The following MUSK variants were observed in gnomAD, a reference collection of about 807,000 sequenced individuals.
The protein encoded by MUSK is muscle, skeletal receptor tyrosine-protein kinase.
Under a neutral mutation model 88.7 loss-of-function variants are expected in MUSK, and 55 were observed. That is an observed-to-expected ratio of 0.62 (90% CI 0.50 to 0.78). The LOEUF (loss-of-function observed/expected upper bound fraction) is 0.78, where lower values mean the gene tolerates loss of function less well. Among genes scored for constraint, MUSK ranks in the 30% least tolerant of loss-of-function variants. MUSK has a pLI of 0.00. For missense variants in MUSK, 1,015 were observed against 1,074.3 expected (o/e 0.94, Z 0.77); for synonymous variants, 387 against 391.9 (o/e 0.99, Z 0.15).
At chr9:110,686,647 T>C (rs2076199546) in intron 2 of MUSK, among the ~76,000 whole-genome samples, 1 of 152,164 alleles carries the variant, frequency 6.6e-6, no homozygotes, top group African/African-American at 2.4e-5. Flanking sequence ...CTGGCACTTG[T>C]TAGCAATCAG....
intron 3 of MUSK, among the ~76,000 whole-genome samples, chr9:110,691,928 C>A (rs2076361636): frequency 6.6e-6 from 1 of 152,012 alleles, no homozygotes; most frequent in Admixed American, 6.6e-5. Context: ...GTTTTAAAAT[C>A]CCTTTTCTTT....
At chr9:110,746,458 T>C (rs1447553151) in intron 6 of MUSK, among the ~76,000 whole-genome samples, 1 of 152,232 alleles carries the variant, frequency 6.6e-6, no homozygotes, top group Non-Finnish European at 1.5e-5. Context: ...CACTGTAACA[T>C]AATGATTAAA....
intron 5 of MUSK, among the ~76,000 whole-genome samples, chr9:110,703,583 T>A (rs117076303): frequency 0.12 from 18,967 of 151,752 alleles, 1,528 homozygotes; most frequent in East Asian, 0.2. Context: ...TTTTGATAAA[T>A]AATTAAACAC....
At chr9:110,721,902 C>A (rs927723964) in intron 5 of MUSK, among the ~76,000 whole-genome samples, 4 of 152,252 alleles carry the variant, frequency 2.6e-5, no homozygotes, top group African/African-American at 9.6e-5. Flanking sequence ...GCACAGAGAT[C>A]AGTGGAACTG....
intron 7 of MUSK, among the ~76,000 whole-genome samples, chr9:110,753,088 T>A (rs1213279826): frequency 6.6e-6 from 1 of 152,072 alleles, no homozygotes; most frequent in African/African-American, 2.4e-5. Flanking sequence ...ATAGTGAGCA[T>A]AGTCCTAAAA....
chr9:110,773,053 A>G (rs2077605686), intron 9 of MUSK, among the ~76,000 whole-genome samples: 2 of 152,100 alleles, frequency 1.3e-5, no homozygotes, highest in South Asian at 4.1e-4. Context: ...ATAAGCAGTC[A>G]TTCAATGATG....
Position 110,676,419 on chromosome 9 carries a change from G to A in MUSK, c.80-6255G>A, listed in dbSNP as rs191547041. On this transcript the variant is annotated intron_variant, in intron 1 of 14. Transcript: ENST00000374448. ...TATTTTGTAAATTTTAAGTTCCGGG[G>A]TACAAGTGCAGGATGTGCAGTTTTG... Among the ~76,000 whole-genome samples, 266 of 132,440 alleles carry A rather than the reference G, an allele frequency of 2.0e-3. 5 individuals carry two copies. The highest frequency in any genetic ancestry group is 7.1e-3 in the African/African-American group (244 of 34,524). 86.9% of individuals were successfully genotyped at this position (132,440 alleles called of 152,430 possible). A position where few individuals can be genotyped will look rare whatever the true frequency, so the allele number is the denominator to read the frequency against.
At position 110,800,466 on chromosome 9, in the gene MUSK, C is replaced by G. The variant is rs751434801; in HGVS notation, c.2088C>G (p.Pro696=). 6.2e-7 allele frequency: 1 copy of G among 1,613,790 alleles called. No homozygotes were observed. The highest frequency in any genetic ancestry group is 1.3e-5 in the African/African-American group (1 of 74,890). Residue 696 remains proline (P), a synonymous_variant, in exon 15 of 15, where the codon CCC becomes CCG. Transcript: ENST00000374448. ...AGGTCTCCAGCCCTGGGCCCCCACCCCTCTCCTGTGCTGAGCAGCTTTGCA... is the reference window on the plus strand; with the variant it reads ...AGGTCTCCAGCCCTGGGCCCCCACCGCTCTCCTGTGCTGAGCAGCTTTGCA... ...RAQVSSPGPP[P]LSCAEQLCIA... is the part of the protein sequence containing the mutation.
intron 5 of MUSK, among the ~76,000 whole-genome samples, chr9:110,713,341 C>G (rs983115103): frequency 3.3e-5 from 5 of 150,660 alleles, no homozygotes; most frequent in African/African-American, 7.3e-5. Flanking sequence ...CTCACTGCAA[C>G]CTCCGCCTCC....
intron 7 of MUSK, among the ~76,000 whole-genome samples, chr9:110,750,271 T>A (rs1004881516): frequency 6.6e-6 from 1 of 152,202 alleles, no homozygotes; most frequent in Admixed American, 6.5e-5. Context: ...TTCTCCCTTT[T>A]CTTCCTTCTT....
At chr9:110,789,740 T>C (rs2263596) in intron 14 of MUSK, among the ~76,000 whole-genome samples, 92,187 of 151,772 alleles carry the variant, frequency 0.61, 28,521 homozygotes, top group Middle Eastern at 0.68. Context: ...GATTGTGCCA[T>C]TGCACTCCAG....
chr9:110,746,301 A>G (rs1329636176), intron 6 of MUSK, among the ~76,000 whole-genome samples: 1 of 152,172 alleles, frequency 6.6e-6, no homozygotes, highest in African/African-American at 2.4e-5. Flanking sequence ...TGAAAAAAGA[A>G]CCACCATTTA....
intron 6 of MUSK, among the ~76,000 whole-genome samples, chr9:110,739,136 T>G (rs997016023): frequency 2.6e-5 from 4 of 152,124 alleles, no homozygotes; most frequent in Non-Finnish European, 5.9e-5. Flanking sequence ...GTCTAATGTG[T>G]CTCCAAATTG....
At chr9:110,707,975 A>G (rs1050691658) in intron 5 of MUSK, among the ~76,000 whole-genome samples, 8 of 152,218 alleles carry the variant, frequency 5.3e-5, no homozygotes, top group Admixed American at 4.6e-4. Flanking sequence ...GAAAGGCTGC[A>G]CTATCTACCC....
At chr9:110,767,148 C>T (rs983716292) in intron 8 of MUSK, among the ~76,000 whole-genome samples, 6 of 152,182 alleles carry the variant, frequency 3.9e-5, no homozygotes, top group African/African-American at 1.4e-4. Context: ...ATCACTGAGG[C>T]ACTGGGTGAC....
intron 5 of MUSK, among the ~76,000 whole-genome samples, chr9:110,724,415 A>G (rs2131813427): frequency 6.6e-6 from 1 of 152,076 alleles, no homozygotes; most frequent in South Asian, 2.1e-4. Context: ...CTTCATTCAT[A>G]TAAGATATTT....
chr9:110,733,070 C>A (rs2076984910), intron 5 of MUSK, among the ~76,000 whole-genome samples: 1 of 152,080 alleles, frequency 6.6e-6, no homozygotes, highest in Non-Finnish European at 1.5e-5. Context: ...TCACAAATTT[C>A]AATTTAACTA....
intron 7 of MUSK, among the ~76,000 whole-genome samples, chr9:110,753,538 A>C (rs545288575): frequency 1.8e-4 from 28 of 152,166 alleles, no homozygotes; most frequent in African/African-American, 6.5e-4. Flanking sequence ...CCTTCATCAG[A>C]GAGTGCAGTC....
chr9:110,762,239 C>A, intron 8 of MUSK, 31 bp downstream of exon 8: 1 of 1,405,686 alleles, frequency 7.1e-7, no homozygotes, highest in Admixed American at 2.3e-5. Flanking sequence ...CAATTGTTTC[C>A]AATGTTTTGT....
Sources: gnomAD v4.1 joint callset for allele counts (sites outside exome capture counted in the v4.1 genomes callset) on GRCh38, gnomAD v4.1.1 for gene constraint, MANE v1.5 for transcripts, NCBI Gene and HGNC (gene_info 2026-07-23, HGNC 2026-07-21) for gene names.